The following LGR5 variants were observed in gnomAD, a reference collection of about 807,000 sequenced individuals.
LGR5 encodes leucine rich repeat containing G protein-coupled receptor 5.
Under a neutral mutation model 76.7 loss-of-function variants are expected in LGR5, and 54 were observed. The observed-to-expected ratio is 0.70, with a 90% confidence interval of 0.57 to 0.88. The LOEUF (loss-of-function observed/expected upper bound fraction) is 0.88. Ranked by LOEUF, LGR5 falls within the 40% of genes least tolerant of loss-of-function variation. The probability of loss-of-function intolerance (pLI) is 0.00; values close to 1 mark genes in which losing one functional copy is unlikely to be tolerated. For missense variants in LGR5, 1,078 were observed against 1,073.3 expected (o/e 1.00, Z -0.06); for synonymous variants, 406 against 421.9 (o/e 0.96, Z 0.46).
At chr12:71,473,321 CT>C (rs1873180081) in intron 1 of LGR5, among the ~76,000 whole-genome samples, 1 of 151,920 alleles carries the variant, frequency 6.6e-6, no homozygotes, top group Admixed American at 6.5e-5. Flanking sequence ...AAATTATCAT[CT>C]TTTCAACACT....
rs1305098478 is a variant in LGR5, at chr12:71,520,982, CCA to C, written c.285-3421_285-3420del. On this transcript the variant is annotated intron_variant, in intron 2 of 17. Transcript: ENST00000266674. The stretch of plus-strand genomic sequence containing the variant: ...TAAATATTGTTTCACGTATATTTTA[CCA>C]CAGTAAAAATATGCATAGCCAAGAC... 1.2e-4 allele frequency among the ~76,000 whole-genome samples: 18 copies of C among 152,152 alleles called. No individual in the cohort carries two copies. In the South Asian group the frequency reaches 2.5e-3, roughly 21 times the overall value.
intron 1 of LGR5, among the ~76,000 whole-genome samples, chr12:71,474,496 G>T (rs1369106505): frequency 6.6e-6 from 1 of 152,170 alleles, no homozygotes; most frequent in Non-Finnish European, 1.5e-5. Flanking sequence ...CAGTTTAGGT[G>T]GGAGACCCAC....
chr12:71,501,986 T>G (rs1349830908), intron 1 of LGR5, among the ~76,000 whole-genome samples: 3 of 152,148 alleles, frequency 2.0e-5, no homozygotes, highest in African/African-American at 7.2e-5. Context: ...TCATTTGGTC[T>G]TAGATCATTG....
At chr12:71,496,056 C>T (rs1222275515) in intron 1 of LGR5, among the ~76,000 whole-genome samples, 1 of 152,024 alleles carries the variant, frequency 6.6e-6, no homozygotes, top group African/African-American at 2.4e-5. Flanking sequence ...CATCACTGTA[C>T]ATGCCAAAAT....
chr12:71,504,391 T>C (rs1033052656), intron 1 of LGR5, among the ~76,000 whole-genome samples: 1 of 152,164 alleles, frequency 6.6e-6, no homozygotes, highest in South Asian at 2.1e-4. Context: ...TTGAATTCCA[T>C]GTAAGTTCCT....
chr12:71,582,239 G>C (rs908072498), intron 16 of LGR5: 3 of 480,792 alleles, frequency 6.2e-6, no homozygotes, highest in Non-Finnish European at 1.1e-5. Context: ...GGCGTCTTGG[G>C]TCACTCTCCC....
intron 1 of LGR5, among the ~76,000 whole-genome samples, chr12:71,478,959 A>G (rs1212370829): frequency 6.6e-6 from 1 of 152,212 alleles, no homozygotes; most frequent in African/African-American, 2.4e-5. Flanking sequence ...AGATTGTTCT[A>G]TTTCACGAAG....
chr12:71,583,430 G>C (rs1592568559), intron 17 of LGR5: 2 of 549,092 alleles, frequency 3.6e-6, no homozygotes, highest in Non-Finnish European at 6.4e-6. Flanking sequence ...CAATACCCTG[G>C]AACAGGAGCA....
intron 2 of LGR5, among the ~76,000 whole-genome samples, chr12:71,518,294 A>C (rs1002285816): frequency 6.6e-6 from 1 of 152,244 alleles, no homozygotes; most frequent in East Asian, 1.9e-4. Context: ...TCAAAACCAC[A>C]ATGAGATACC....
At chr12:71,577,872 T>C (rs1878925757) in intron 13 of LGR5, 53 bp from the exon 14 acceptor site, 2 of 1,214,446 alleles carry the variant, frequency 1.6e-6, no homozygotes, top group Non-Finnish European at 2.4e-6. Flanking sequence ...ATGATAAAAC[T>C]TCACATGTTC....
chr12:71,515,530 C>T (rs1160679363), intron 2 of LGR5, among the ~76,000 whole-genome samples: 3 of 152,016 alleles, frequency 2.0e-5, no homozygotes, highest in Non-Finnish European at 4.4e-5. Flanking sequence ...CAGAAATAGT[C>T]ACAGAACTGC....
At chr12:71,552,803 T>A (rs1877557249) in intron 4 of LGR5, among the ~76,000 whole-genome samples, 1 of 152,052 alleles carries the variant, frequency 6.6e-6, no homozygotes, top group Non-Finnish European at 1.5e-5. Context: ...GGAGGCCACT[T>A]CCATCCATGA....
At chr12:71,510,768 G>T (rs1875113527) in intron 2 of LGR5, among the ~76,000 whole-genome samples, 1 of 152,110 alleles carries the variant, frequency 6.6e-6, no homozygotes, top group Admixed American at 6.6e-5. Flanking sequence ...AGGAGGGAAG[G>T]CCTAAGAAGG....
intron 4 of LGR5, among the ~76,000 whole-genome samples, chr12:71,537,113 T>C (rs1282453545): frequency 1.3e-5 from 2 of 151,508 alleles, no homozygotes; most frequent in African/African-American, 4.8e-5. Context: ...ATGTTGACAA[T>C]GTGTGCCAGT....
At chr12:71,566,506 TC>T in intron 9 of LGR5, 31 bp downstream of exon 9, 1 of 1,561,008 alleles carries the variant, frequency 6.4e-7, no homozygotes, top group Non-Finnish European at 8.8e-7. Context: ...TGGATCACTT[TC>T]CCTCTACAGG....
At position 71,440,984 on chromosome 12, in the gene LGR5, G is replaced by A. The variant is rs554030811; in HGVS notation, c.212+692G>A. On this transcript the variant is annotated intron_variant, in intron 1 of 17. Coordinates refer to ENST00000266674, the MANE Select transcript of LGR5 (RefSeq NM_003667.4). This position sits in a 1 kb window ranked among gnomAD's most constrained non-coding sequence, Gnocchi z 5.3. ...TTGGCTGCCCGCGCCGCCCTTTGAA[G>A]TGCCCGCGGCCGCTGTGTAATCTTT... Among the ~76,000 whole-genome samples the A allele has an allele frequency of 3.2e-4, 49 of 152,256 alleles. No homozygotes were observed. The South Asian group carries it at 9.8e-3, about 30-fold the overall frequency.
intron 1 of LGR5, among the ~76,000 whole-genome samples, chr12:71,458,554 C>T (rs1005227686): frequency 1.3e-5 from 2 of 152,066 alleles, no homozygotes; most frequent in African/African-American, 4.8e-5. Context: ...AGTCCTTAAG[C>T]AGTGTTTTAA....
At chr12:71,482,874 GCA>G (rs1218481194) in intron 1 of LGR5, among the ~76,000 whole-genome samples, 4 of 152,158 alleles carry the variant, frequency 2.6e-5, no homozygotes, top group Non-Finnish European at 5.9e-5. Flanking sequence ...ATGAATTATA[GCA>G]CAGTCTTCGT....
At chr12:71,540,042 T>C (rs558760282) in intron 4 of LGR5, among the ~76,000 whole-genome samples, 77 of 152,314 alleles carry the variant, frequency 5.1e-4, no homozygotes, top group African/African-American at 1.7e-3. Flanking sequence ...CCAAAAAACT[T>C]TTGGGAGTAT....
Sources: allele counts gnomAD v4.1 joint callset (sites outside exome capture counted in the v4.1 genomes callset), GRCh38; gene constraint gnomAD v4.1.1; non-coding constraint Gnocchi (gnomAD v3.1); transcripts MANE v1.5; gene names NCBI Gene and HGNC (gene_info 2026-07-23, HGNC 2026-07-21).